The following CAPN5 variants were observed in gnomAD, a reference collection of about 807,000 sequenced individuals.
CAPN5 encodes calpain-5.
A neutral mutation model predicts 73.0 loss-of-function variants in CAPN5; 54 were observed. That is an observed-to-expected ratio of 0.74 (90% CI 0.59 to 0.93). CAPN5 has a LOEUF of 0.93. CAPN5 is among the 40% of genes least tolerant of loss of function. The probability of loss-of-function intolerance (pLI) is 0.00; values close to 1 mark genes in which losing one functional copy is unlikely to be tolerated. For synonymous variants in CAPN5, 335 were observed against 356.9 expected (o/e 0.94, Z 0.69); for missense variants, 785 against 882.9 (o/e 0.89, Z 1.41).
At chr11:77,110,767 A>G (rs547640719) in intron 3 of CAPN5, among the ~76,000 whole-genome samples, 4 of 152,304 alleles carry the variant, frequency 2.6e-5, no homozygotes, top group South Asian at 2.1e-4. Context: ...CCCTTTGCCA[A>G]CATCCCTTTT....
chr11:77,105,147 C>T (rs889326081), intron 3 of CAPN5, among the ~76,000 whole-genome samples: 8 of 151,710 alleles, frequency 5.3e-5, no homozygotes, highest in South Asian at 2.1e-4. Flanking sequence ...CTATCTGTCC[C>T]GGGGCCTGAG....
intron 2 of CAPN5, among the ~76,000 whole-genome samples, chr11:77,092,126 A>G (rs1950154592): frequency 6.6e-6 from 1 of 152,318 alleles, no homozygotes; most frequent in African/African-American, 2.4e-5. Context: ...GGCTTAGGCC[A>G]GAGGATCGCT....
At chr11:77,115,710 G>A (rs78786946) in intron 6 of CAPN5, 122 bp downstream of exon 6, 62,464 of 732,422 alleles carry the variant, frequency 0.085, 3,913 homozygotes, top group East Asian at 0.28. Flanking sequence ...GATGACACTA[G>A]GAACGAAGAA....
intron 1 of CAPN5, among the ~76,000 whole-genome samples, chr11:77,077,767 G>A (rs903580744): frequency 7.2e-5 from 11 of 152,094 alleles, no homozygotes; most frequent in African/African-American, 2.7e-4. Context: ...CACCTGCCTC[G>A]GCCTCCCAAA....
At chr11:77,088,598 G>A (rs557751486) in intron 2 of CAPN5, among the ~76,000 whole-genome samples, 10 of 152,124 alleles carry the variant, frequency 6.6e-5, no homozygotes, top group South Asian at 2.1e-4. Flanking sequence ...TGGAAGTCCC[G>A]TGTCCTTCCC....
rs1949969043 is a variant in CAPN5, at chr11:77,076,410, T to C, written c.-35-8442T>C. On this transcript the variant is annotated intron_variant, in intron 1 of 12. Coordinates refer to ENST00000648180, the MANE Select transcript of CAPN5 (RefSeq NM_004055.5). ...AGTATAATCTATTGTTATTAACTAT[T>C]GTCACCATGTTACAATCAATCTCTT... Among the ~76,000 whole-genome samples, 3 of 152,216 alleles carry C rather than the reference T, an allele frequency of 2.0e-5. 1 individual carries two copies. In the South Asian group the frequency reaches 6.2e-4, roughly 32 times the overall value.
chr11:77,115,560 C>G lies in CAPN5; in HGVS notation c.865C>G (p.Arg289Gly). ...MIRLRNPWGE[R>G]EWNGPWSDTS... ...CCGCCTGCGCAACCCCTGGGGCGAG[C>G]GGGAGTGGAACGGGCCCTGGAGTGA... Residue 289 changes from arginine (R) to glycine (G), a missense_variant, in exon 6 of 13, where the codon CGG (arginine) becomes GGG (glycine). Arg to Gly is a moderately radical substitution (Grantham distance 125, BLOSUM62 -2). Transcript: ENST00000648180. 6.2e-7 allele frequency: 1 copy of G among 1,612,168 alleles called. No individual in the cohort carries two copies. The highest frequency in any genetic ancestry group is 8.5e-7 in the Non-Finnish European group (1 of 1,179,640).
chr11:77,108,464 G>A (rs543559362), intron 3 of CAPN5, among the ~76,000 whole-genome samples: 76 of 152,316 alleles, frequency 5.0e-4, no homozygotes, highest in Middle Eastern at 3.4e-3. Flanking sequence ...TGTGGTAGAT[G>A]GGACCCGAAG....
At chr11:77,119,268 C>G in intron 9 of CAPN5, 116 bp downstream of exon 9, 3 of 1,179,048 alleles carry the variant, frequency 2.5e-6, no homozygotes, top group Non-Finnish European at 3.5e-6. Context: ...GCTGCCCTGG[C>G]TGCCGTGGCA....
chr11:77,084,683 G>A (rs1950062730), intron 1 of CAPN5, among the ~76,000 whole-genome samples, 169 bp from the exon 2 acceptor site: 1 of 152,194 alleles, frequency 6.6e-6, no homozygotes, highest in African/African-American at 2.4e-5. Flanking sequence ...AGTCAGGCCG[G>A]TCGGTGTCTG....
chr11:77,107,925 C>A (rs1039442188), intron 3 of CAPN5, among the ~76,000 whole-genome samples: 2 of 152,198 alleles, frequency 1.3e-5, no homozygotes, highest in Admixed American at 1.3e-4. Flanking sequence ...ACACAGATGA[C>A]CCCTCATGTG....
chr11:77,115,019 C>T (rs927875419), intron 5 of CAPN5, among the ~76,000 whole-genome samples: 4 of 151,756 alleles, frequency 2.6e-5, no homozygotes, highest in Admixed American at 1.3e-4. Flanking sequence ...GCCAAGATCG[C>T]GCCATTGCAC....
intron 1 of CAPN5, among the ~76,000 whole-genome samples, chr11:77,078,960 G>C (rs1310138541): frequency 6.6e-6 from 1 of 152,030 alleles, no homozygotes; most frequent in Non-Finnish European, 1.5e-5. Flanking sequence ...TATCATGAAA[G>C]GATGCTGAAT....
At chr11:77,117,813 A>G (rs1591147376) in intron 7 of CAPN5, among the ~76,000 whole-genome samples, 1 of 152,212 alleles carries the variant, frequency 6.6e-6, no homozygotes, top group Non-Finnish European at 1.5e-5. Context: ...AGTTATTAAC[A>G]CCATTCACAA....
chr11:77,101,442 A>C (rs1213133876), intron 3 of CAPN5, among the ~76,000 whole-genome samples: 5 of 152,214 alleles, frequency 3.3e-5, no homozygotes, highest in African/African-American at 1.2e-4. Flanking sequence ...TGTGAGGATC[A>C]GGCAGTTTGA....
At position 77,123,447 on chromosome 11, in the gene CAPN5, G is replaced by A. The variant is rs533660413; in HGVS notation, c.1741-241G>A. ...TCCAAGTTCACCCAAGATCAACAGC[G>A]GAGCTAATAACAGATTTCACTTTAT... On this transcript the variant is annotated intron_variant, in intron 12 of 12. Coordinates refer to ENST00000648180, the MANE Select transcript of CAPN5 (RefSeq NM_004055.5). Among the ~76,000 whole-genome samples the A allele has an allele frequency of 2.6e-5, 4 of 152,262 alleles. No homozygotes were observed. In the South Asian group the frequency reaches 6.2e-4, roughly 24 times the overall value.
Position 77,071,534 on chromosome 11 carries a change from G to A in CAPN5, c.-36+4440G>A, listed in dbSNP as rs782521261. On this transcript the variant is annotated intron_variant, in intron 1 of 12. Coordinates refer to ENST00000648180, the MANE Select transcript of CAPN5 (RefSeq NM_004055.5). ...AGGTGAGAATACCAAGGCCTATTAC[G>A]GCCAAGTCCTGTCTGGTATGTGGGG... The A allele has an allele frequency of 5.5e-5, 23 of 416,294 alleles. 1 individual carries two copies. The highest frequency in any genetic ancestry group is 3.5e-4 in the Middle Eastern group (1 of 2,846). The allele number at this position is 416,294 out of a possible 1,614,324, so 25.8% of individuals were successfully genotyped here.
At chr11:77,086,315 C>T (rs1944027) in intron 2 of CAPN5, among the ~76,000 whole-genome samples, 117,431 of 152,054 alleles carry the variant, frequency 0.77, 45,902 homozygotes, top group Non-Finnish European at 0.84. Context: ...GAAAATACCC[C>T]GTAGATGTCC....
chr11:77,115,316 C>T, intron 5 of CAPN5, 79 bp from the exon 6 acceptor site: 2 of 1,224,280 alleles, frequency 1.6e-6, no homozygotes, highest in Non-Finnish European at 2.3e-6. Context: ...CGTGCAGCCT[C>T]CTAGCCCTCC....
Sources: gnomAD v4.1 joint callset for allele counts (sites outside exome capture counted in the v4.1 genomes callset) on GRCh38, gnomAD v4.1.1 for gene constraint, MANE v1.5 for transcripts, NCBI Gene and HGNC (gene_info 2026-07-23, HGNC 2026-07-21) for gene names.